Variants in USP12 observed in about 807,000 individuals in gnomAD.
The protein encoded by USP12 is ubiquitin carboxyl-terminal hydrolase 12.
In USP12, 19 loss-of-function variants were observed where a neutral mutation model predicts 45.5. That is an observed-to-expected ratio of 0.42 (90% CI 0.29 to 0.61). The LOEUF (loss-of-function observed/expected upper bound fraction) is 0.61. Among genes scored for constraint, USP12 ranks in the 20% least tolerant of loss-of-function variants. The pLI is 0.22. For synonymous variants in USP12, 149 were observed against 148.8 expected (o/e 1.00, Z -0.01); for missense variants, 242 against 447.7 (o/e 0.54, Z 4.15).
intron 6 of USP12, among the ~76,000 whole-genome samples, chr13:27,084,334 C>T (rs1433928889): frequency 4.0e-5 from 6 of 151,366 alleles, no homozygotes; most frequent in African/African-American, 1.2e-4. Flanking sequence ...GGTGTAACCC[C>T]GTCTCTACTA....
At chr13:27,086,171 CT>C (rs1422192865) in intron 6 of USP12, among the ~76,000 whole-genome samples, 1 of 26,160 alleles carries the variant, frequency 3.8e-5, no homozygotes, top group Non-Finnish European at 7.8e-5. Flanking sequence ...TCTTTTGTCT[CT>C]TTAAAAAAAA....
At chr13:27,142,619 T>G (rs761670769) in intron 1 of USP12, among the ~76,000 whole-genome samples, 6 of 152,190 alleles carry the variant, frequency 3.9e-5, no homozygotes, top group Non-Finnish European at 8.8e-5. Flanking sequence ...GGGAACTTCT[T>G]GCATTATTCT....
intron 1 of USP12, among the ~76,000 whole-genome samples, chr13:27,133,626 C>CAAAA (rs11365356): frequency 4.8e-5 from 5 of 103,390 alleles, no homozygotes; most frequent in Non-Finnish European, 7.9e-5. Flanking sequence ...GACTCTGTCT[C>CAAAA]AAAAAAAAAA....
chr13:27,107,612 G>A (rs1875204957), intron 2 of USP12, among the ~76,000 whole-genome samples: 1 of 152,140 alleles, frequency 6.6e-6, no homozygotes, highest in Admixed American at 6.5e-5. Context: ...GAAAAGGTGT[G>A]GCAGCAACAA....
intron 1 of USP12, among the ~76,000 whole-genome samples, chr13:27,137,420 A>G (rs73499314): frequency 0.016 from 2,436 of 152,308 alleles, 28 homozygotes; most frequent in Middle Eastern, 0.034. Context: ...TCAATTGTCA[A>G]TATTATAGAA....
chr13:27,115,058 T>C lies in USP12; in HGVS notation c.129+1458A>G, dbSNP rs7997088. Reference sequence around the variant, plus strand: ...CACAATGTTCACCAACCTTTAATAGTTGGAGCTGTGGCCCCTGTAGATATG... The same window carrying C: ...CACAATGTTCACCAACCTTTAATAGCTGGAGCTGTGGCCCCTGTAGATATG... On this transcript the variant is annotated intron_variant, in intron 2 of 8. Coordinates refer to ENST00000282344, the MANE Select transcript of USP12 (RefSeq NM_182488.4). Among the ~76,000 whole-genome samples the C allele has an allele frequency of 5.2e-3, 799 of 152,326 alleles. 7 individuals carry two copies. Among genetic ancestry groups the C allele is most frequent in the African/African-American group, 0.018 (765 of 41,574 alleles).
At chr13:27,111,125 T>C (rs563664335) in intron 2 of USP12, among the ~76,000 whole-genome samples, 7 of 152,320 alleles carry the variant, frequency 4.6e-5, no homozygotes, top group African/African-American at 1.7e-4. Context: ...CTCTGAGGCC[T>C]GCCATTAGTC....
intron 1 of USP12, among the ~76,000 whole-genome samples, chr13:27,122,528 T>C (rs2137802718): frequency 6.6e-6 from 1 of 152,046 alleles, no homozygotes; most frequent in East Asian, 1.9e-4. Flanking sequence ...GGCATGCACC[T>C]GTAGTCCCAA....
chr13:27,142,576 T>C (rs1028589873), intron 1 of USP12, among the ~76,000 whole-genome samples: 2 of 152,190 alleles, frequency 1.3e-5, no homozygotes, highest in Non-Finnish European at 2.9e-5. Flanking sequence ...TAGCAAAACA[T>C]AAGCAATCAC....
chr13:27,066,543 C>T lies in USP12; in HGVS notation c.*2740G>A, dbSNP rs1253726704. 1 of 152,204 alleles carries T rather than the reference C, an allele frequency of 6.6e-6. No individual in the cohort carries two copies. Among genetic ancestry groups the T allele is most frequent in the African/African-American group, 2.4e-5 (1 of 41,458 alleles). The allele number at this position is 152,204 out of a possible 1,614,324, so 9.4% of individuals were successfully genotyped here. ...TGATGGTTAGAGGCCCCAAGACCCACATAATACAACATTTCCCTCTTTCCC... is the reference window on the plus strand; with the variant it reads ...TGATGGTTAGAGGCCCCAAGACCCATATAATACAACATTTCCCTCTTTCCC... On this transcript the variant is annotated 3_prime_UTR_variant, in exon 9 of 9. Transcript: ENST00000282344.
intron 1 of USP12, among the ~76,000 whole-genome samples, chr13:27,163,461 C>T (rs1460931450): frequency 6.6e-6 from 1 of 152,006 alleles, no homozygotes; most frequent in East Asian, 1.9e-4. Context: ...TTCCTGAAGC[C>T]CTCTTCTCTC....
chr13:27,069,037 G>C lies in USP12; in HGVS notation c.*246C>G. On this transcript the variant is annotated 3_prime_UTR_variant, in exon 9 of 9. Transcript: ENST00000282344. ...GAAGGCTGTTTTAAAAGAGGAGCTG[G>C]TATCTCTGATTTCACCTCCTTGTTG... 2 of 491,908 alleles carry C rather than the reference G, an allele frequency of 4.1e-6. No individual in the cohort carries two copies. Among genetic ancestry groups the C allele is most frequent in the South Asian group, 6.0e-5 (2 of 33,176 alleles). 30.5% of individuals were successfully genotyped at this position (491,908 alleles called of 1,614,324 possible). A position where few individuals can be genotyped will look rare whatever the true frequency, so the allele number is the denominator to read the frequency against.
chr13:27,096,630 T>C (rs1035719678), intron 3 of USP12, among the ~76,000 whole-genome samples: 4 of 152,088 alleles, frequency 2.6e-5, no homozygotes, highest in African/African-American at 9.7e-5. Flanking sequence ...AACATGAAAA[T>C]GGGACGAGAC....
At chr13:27,136,400 A>C (rs779151724) in intron 1 of USP12, among the ~76,000 whole-genome samples, 44 of 152,306 alleles carry the variant, frequency 2.9e-4, no homozygotes, top group Non-Finnish European at 2.5e-4. Flanking sequence ...CAGGAGGCTG[A>C]AGCAGGAGAA....
intron 4 of USP12, among the ~76,000 whole-genome samples, chr13:27,092,357 G>A (rs1468828681): frequency 2.6e-5 from 4 of 152,054 alleles, no homozygotes; most frequent in East Asian, 1.9e-4. Flanking sequence ...TGTGGATATC[G>A]ACGAACTTGA....
intron 4 of USP12, among the ~76,000 whole-genome samples, 170 bp downstream of exon 4, chr13:27,095,431 C>CA (rs1441050958): frequency 6.6e-6 from 1 of 152,178 alleles, no homozygotes; most frequent in Non-Finnish European, 1.5e-5. Flanking sequence ...CAATAAGCAA[C>CA]ATTACATTAA....
intron 6 of USP12, chr13:27,077,695 A>C (rs1873554501): frequency 6.6e-6 from 1 of 152,190 alleles, no homozygotes; most frequent in South Asian, 2.1e-4. Context: ...GGCTCCAAAA[A>C]AAAGCAGAAA....
chr13:27,098,750 C>A (rs976069799), intron 3 of USP12, among the ~76,000 whole-genome samples: 1 of 152,152 alleles, frequency 6.6e-6, no homozygotes, highest in Non-Finnish European at 1.5e-5. Flanking sequence ...TTATTTATAA[C>A]AGCAGAAGTC....
chr13:27,154,885 T>C (rs974335101), intron 1 of USP12, among the ~76,000 whole-genome samples: 3 of 151,906 alleles, frequency 2.0e-5, no homozygotes, highest in Non-Finnish European at 2.9e-5. Context: ...AAAGAAAGAC[T>C]GGCCAGTCAT....
Sources: allele counts gnomAD v4.1 joint callset (sites outside exome capture counted in the v4.1 genomes callset), GRCh38; gene constraint gnomAD v4.1.1; transcripts MANE v1.5; gene names NCBI Gene and HGNC (gene_info 2026-07-23, HGNC 2026-07-21).